SH2D4A: variants seen among roughly 807,000 people sequenced by gnomAD.
SH2D4A encodes the protein SH2 domain containing 4A, also known as SH2 domain-containing protein 4A.
Under a neutral mutation model 64.7 loss-of-function variants are expected in SH2D4A, and 70 were observed. The ratio of observed to expected loss-of-function variants is 1.08; its 90% CI spans 0.89 to 1.32. The LOEUF (loss-of-function observed/expected upper bound fraction) is 1.32, where lower values mean the gene tolerates loss of function less well. Ranked by LOEUF, SH2D4A falls within the 40% of genes most tolerant of loss-of-function variation. SH2D4A has a pLI of 0.00. For synonymous variants in SH2D4A, 268 were observed against 200.7 expected, an observed-to-expected ratio of 1.34 and a Z score of -2.83; for missense variants, 706 against 540.1, an observed-to-expected ratio of 1.31 and a Z score of -3.04.
chr8:19,314,476 C>A (rs1489888626), intron 1 of SH2D4A, among the ~76,000 whole-genome samples: 2 of 152,088 alleles, frequency 1.3e-5, no homozygotes, highest in Non-Finnish European at 2.9e-5. Flanking sequence ...AGACCCAGAC[C>A]GGGTGCCCAG....
chr8:19,323,958 C>G (rs1240635472), intron 2 of SH2D4A, among the ~76,000 whole-genome samples: 1 of 152,180 alleles, frequency 6.6e-6, no homozygotes, highest in Non-Finnish European at 1.5e-5. Flanking sequence ...TGGAATAGAT[C>G]CTGGGTCTCA....
chr8:19,388,838 T>C (rs2153652207), intron 8 of SH2D4A, among the ~76,000 whole-genome samples: 1 of 152,328 alleles, frequency 6.6e-6, no homozygotes, highest in Non-Finnish European at 1.5e-5. Context: ...TGGCAGGTGC[T>C]GAGTGTGTAA....
intron 4 of SH2D4A, among the ~76,000 whole-genome samples, chr8:19,356,521 C>G (rs1322039918): frequency 6.6e-6 from 1 of 152,166 alleles, no homozygotes; most frequent in African/African-American, 2.4e-5. Flanking sequence ...TGATGGGGGC[C>G]TGTGTCTTAA....
chr8:19,379,340 G>A (rs1028816333), intron 8 of SH2D4A, among the ~76,000 whole-genome samples: 3 of 152,164 alleles, frequency 2.0e-5, no homozygotes, highest in Admixed American at 2.0e-4. Flanking sequence ...TGTTGTGCAT[G>A]TCAGAATTTC....
At chr8:19,314,934 T>C (rs1364607773) in intron 1 of SH2D4A, among the ~76,000 whole-genome samples, 1 of 152,244 alleles carries the variant, frequency 6.6e-6, no homozygotes, top group East Asian at 1.9e-4. Flanking sequence ...GAAAACAAAG[T>C]TGGACCACAG....
Position 19,337,411 on chromosome 8 carries a change from G to C in SH2D4A, c.513+2554G>C, listed in dbSNP as rs963544867. On this transcript the variant is annotated intron_variant, in intron 4 of 9. Coordinates refer to ENST00000265807, the MANE Select transcript of SH2D4A (RefSeq NM_022071.4). ...TTATGTCCACCTAGAACCTCAGAAT[G>C]TGAGCTTATTTGGAAATAGATCTTT... Among the ~76,000 whole-genome samples, 2 of 152,136 alleles carry C rather than the reference G, an allele frequency of 1.3e-5. 1 individual carries two copies. The highest frequency in any genetic ancestry group is 4.2e-4 in the South Asian group (2 of 4,808).
intron 2 of SH2D4A, among the ~76,000 whole-genome samples, chr8:19,332,495 G>T (rs927535712): frequency 1.3e-5 from 2 of 151,876 alleles, no homozygotes; most frequent in East Asian, 3.9e-4. Flanking sequence ...TTAGCTGGTC[G>T]TGGTGGCAGA....
rs1278828361 is a variant in SH2D4A at position 19,394,830 on chromosome 8, G to A, written c.*188G>A. 2.5e-6 allele frequency: 1 copy of A among 405,590 alleles called. No individual in the cohort carries two copies. The highest frequency in any genetic ancestry group is 4.4e-6 in the Non-Finnish European group (1 of 229,558). The allele number at this position is 405,590 out of a possible 1,614,324, so 25.1% of individuals were successfully genotyped here. A position where few individuals can be genotyped will look rare whatever the true frequency, so the allele number is the denominator to read the frequency against. On this transcript the variant is annotated 3_prime_UTR_variant, in exon 10 of 10. Coordinates refer to ENST00000265807, the MANE Select transcript of SH2D4A (RefSeq NM_022071.4). ...CACAAATACTGGAATTCAATGTCAA[G>A]AGAAAATGACCTCTGCTCAAAAGGG... is the stretch of plus-strand genomic sequence containing the variant.
At chr8:19,381,529 A>G (rs918351393) in intron 8 of SH2D4A, among the ~76,000 whole-genome samples, 1 of 152,168 alleles carries the variant, frequency 6.6e-6, no homozygotes, top group African/African-American at 2.4e-5. Context: ...ACTTTGCTTA[A>G]TTCATTTATT....
rs1424618436 is a variant in SH2D4A at position 19,373,575 on chromosome 8, C to G, written c.963C>G (p.Asp321Glu). ...CACTGTCCAGCTCTGCCCAAGAGGA[C>G]ATCATCCGGTGGTTTAAAGAGGAGC... ...VRTLSSSAQEDIIRWFKEEQL... is the reference protein window; with the variant it reads ...VRTLSSSAQEEIIRWFKEEQL... Residue 321 changes from aspartate (D) to glutamate (E), a missense_variant, in exon 8 of 10, where the codon GAC becomes GAG. Physicochemically the swap from Asp to Glu is conservative, Grantham distance 45. Coordinates refer to ENST00000265807, the MANE Select transcript of SH2D4A (RefSeq NM_022071.4). 3.1e-6 allele frequency: 5 copies of G among 1,613,090 alleles called. No individual in the cohort carries two copies. The highest frequency in any genetic ancestry group is 4.2e-6 in the Non-Finnish European group (5 of 1,179,618).
intron 2 of SH2D4A, among the ~76,000 whole-genome samples, chr8:19,332,622 A>AG (rs5889863): frequency 1 from 149,978 of 149,980 alleles, 74,988 homozygotes; most frequent in Middle Eastern, 1. Flanking sequence ...GCTTGAACCC[A>AG]GAGGCGGAGG....
Position 19,394,784 on chromosome 8 carries a change from C to T in SH2D4A, c.*142C>T. ...CTGAAAGTAAAGTATCCATGGAGTC[C>T]TCATTGACACCTCTTTTCTGCACAA... On this transcript the variant is annotated 3_prime_UTR_variant, in exon 10 of 10. Transcript: ENST00000265807. 2.2e-6 allele frequency: 1 copy of T among 458,750 alleles called. No homozygotes were observed. Among genetic ancestry groups the T allele is most frequent in the Non-Finnish European group, 3.8e-6 (1 of 263,144 alleles). 28.4% of individuals were successfully genotyped at this position (458,750 alleles called of 1,614,324 possible).
intron 4 of SH2D4A, among the ~76,000 whole-genome samples, chr8:19,353,674 GTTTT>G (rs55989081): frequency 1.9e-5 from 2 of 105,208 alleles, no homozygotes; most frequent in African/African-American, 7.7e-5. Flanking sequence ...GCCTCTAGCT[GTTTT>G]TTTTTTTTTT....
chr8:19,344,925 T>A (rs1028530883), intron 4 of SH2D4A, among the ~76,000 whole-genome samples: 1 of 152,212 alleles, frequency 6.6e-6, no homozygotes, highest in Non-Finnish European at 1.5e-5. Context: ...TCCTCCCTGA[T>A]AGGAGTTACA....
chr8:19,333,164 G>T, intron 3 of SH2D4A, 50 bp downstream of exon 3: 1 of 1,555,860 alleles, frequency 6.4e-7, no homozygotes, highest in Non-Finnish European at 8.7e-7. Flanking sequence ...CCAGACTTTA[G>T]AAAACATTGC....
chr8:19,356,630 A>G (rs1350583294), intron 4 of SH2D4A, among the ~76,000 whole-genome samples: 1 of 152,170 alleles, frequency 6.6e-6, no homozygotes, highest in Non-Finnish European at 1.5e-5. Context: ...TGAATCTGGG[A>G]ACCCCAGTGG....
chr8:19,356,298 G>T (rs1481463237), intron 4 of SH2D4A, among the ~76,000 whole-genome samples: 1 of 152,238 alleles, frequency 6.6e-6, no homozygotes, highest in African/African-American at 2.4e-5. Flanking sequence ...ATTGCATGGT[G>T]CAGTAATGAT....
At chr8:19,315,074 G>T (rs528395466) in intron 1 of SH2D4A, among the ~76,000 whole-genome samples, 18 of 76,002 alleles carry the variant, frequency 2.4e-4, no homozygotes, top group African/African-American at 6.9e-4. Context: ...CGGTTTTTAC[G>T]TAAAAAAAAC....
Position 19,319,619 on chromosome 8 carries a change from A to G in SH2D4A, c.72A>G (p.Lys24=). ...DLLAELSEEQ[K]QILFFKMREE... The stretch of plus-strand genomic sequence containing the variant: ...TGGCAGAGCTCAGCGAAGAACAGAA[A>G]CAGATCCTGTTCTTCAAGATGAGAG... Residue 24 remains lysine, a synonymous_variant, in exon 2 of 10, where the codon AAA becomes AAG. Coordinates refer to ENST00000265807, the MANE Select transcript of SH2D4A (RefSeq NM_022071.4). 1.2e-6 allele frequency: 2 copies of G among 1,611,040 alleles called. No individual in the cohort carries two copies. Among genetic ancestry groups the G allele is most frequent in the African/African-American group, 1.3e-5 (1 of 74,900 alleles).
Sources: allele counts gnomAD v4.1 joint callset (sites outside exome capture counted in the v4.1 genomes callset), GRCh38; gene constraint gnomAD v4.1.1; transcripts MANE v1.5; gene names NCBI Gene and HGNC (gene_info 2026-07-23, HGNC 2026-07-21).